Variants in ARHGAP20 observed in about 807,000 individuals in gnomAD.
The protein encoded by ARHGAP20 is Rho GTPase activating protein 20.
Under a neutral mutation model 73.7 loss-of-function variants are expected in ARHGAP20, and 34 were observed. The ratio of observed to expected loss-of-function variants is 0.46; its 90% CI spans 0.35 to 0.61. ARHGAP20 has a LOEUF of 0.61. ARHGAP20 is among the 20% of genes least tolerant of loss of function. The pLI is 0.00. For missense variants in ARHGAP20, 1,314 were observed against 1,420.9 expected (o/e 0.92, Z 1.21); for synonymous variants, 523 against 518.2 (o/e 1.01, Z -0.13).
chr11:110,590,228 C>G (rs1424552470), intron 11 of ARHGAP20, among the ~76,000 whole-genome samples: 1 of 151,670 alleles, frequency 6.6e-6, no homozygotes, highest in Non-Finnish European at 1.5e-5. Context: ...TTTATTATGG[C>G]AAACTTCTTT....
Position 110,692,052 on chromosome 11 carries a change from C to T in ARHGAP20, c.106-1423G>A, listed in dbSNP as rs969589872. ...GTTATCATCGGATTCCCAGAAAAGT[C>T]GAATCCTTTCCAACACTGGTGATTT... On this transcript the variant is annotated intron_variant, in intron 1 of 14. Transcript: ENST00000683387. 5.9e-5 allele frequency among the ~76,000 whole-genome samples: 9 copies of T among 152,096 alleles called. No individual in the cohort carries two copies. In the South Asian group the frequency reaches 8.3e-4, roughly 14 times the overall value.
intron 11 of ARHGAP20, among the ~76,000 whole-genome samples, chr11:110,587,451 A>G (rs1947700384): frequency 6.6e-6 from 1 of 152,258 alleles, no homozygotes; most frequent in African/African-American, 2.4e-5. Flanking sequence ...TGAAGGCAAC[A>G]CACAACTTGC....
At chr11:110,640,413 C>T (rs990841065) in intron 2 of ARHGAP20, among the ~76,000 whole-genome samples, 4 of 151,912 alleles carry the variant, frequency 2.6e-5, no homozygotes, top group African/African-American at 9.7e-5. Context: ...TGTAACTCTG[C>T]AGAGTGTTAG....
chr11:110,651,583 G>T (rs946745925), intron 2 of ARHGAP20, among the ~76,000 whole-genome samples: 1 of 151,836 alleles, frequency 6.6e-6, no homozygotes, highest in African/African-American at 2.4e-5. Flanking sequence ...AACTATCAAA[G>T]AATATGATAA....
At chr11:110,607,428 A>G (rs1046713029) in intron 8 of ARHGAP20, among the ~76,000 whole-genome samples, 1 of 152,176 alleles carries the variant, frequency 6.6e-6, no homozygotes, top group Non-Finnish European at 1.5e-5. Context: ...TAAAAACTAA[A>G]CCCTGGACAT....
At chr11:110,698,742 C>A (rs1409834953) in intron 1 of ARHGAP20, among the ~76,000 whole-genome samples, 1 of 151,770 alleles carries the variant, frequency 6.6e-6, no homozygotes, top group East Asian at 1.9e-4. Context: ...TCTTTTGTAT[C>A]TCTATGTTAT....
At chr11:110,600,885 G>A (rs888002590) in intron 9 of ARHGAP20, among the ~76,000 whole-genome samples, 1 of 152,126 alleles carries the variant, frequency 6.6e-6, no homozygotes, top group African/African-American at 2.4e-5. Context: ...TTGCTGTTAT[G>A]TTTTCAGTGT....
chr11:110,694,562 C>G (rs1950301642), intron 1 of ARHGAP20, among the ~76,000 whole-genome samples: 1 of 151,752 alleles, frequency 6.6e-6, no homozygotes, highest in Non-Finnish European at 1.5e-5. Flanking sequence ...ACACTACCAA[C>G]TAATCTGCAA....
In ARHGAP20 at chr11:110,611,341, TA is replaced by T; in HGVS notation, c.675del (p.Ile226SerfsTer8). 6.4e-7 allele frequency: 1 copy of T among 1,572,248 alleles called. No individual in the cohort carries two copies. The highest frequency in any genetic ancestry group is 8.6e-7 in the Non-Finnish European group (1 of 1,156,136). ...TVMNSDTANE[V>X]INMSLPMLGI... The stretch of plus-strand genomic sequence containing the variant: ...CCTAGCATTGGTAATGACATGTTGA[TA>T]ACTTCATTCGCTGTATCTGAATTCA... On this transcript the variant is annotated frameshift_variant, in exon 7 of 15. Transcript: ENST00000683387. LOFTEE classifies it high-confidence loss of function.
chr11:110,663,323 T>C (rs1210958206), intron 2 of ARHGAP20, among the ~76,000 whole-genome samples: 3 of 149,798 alleles, frequency 2.0e-5, no homozygotes, highest in Non-Finnish European at 4.4e-5. Flanking sequence ...AATACACTAA[T>C]ATTACACTAT....
chr11:110,691,088 GCA>G, intron 1 of ARHGAP20: 1 of 1,090,680 alleles, frequency 9.2e-7, no homozygotes, highest in South Asian at 1.9e-5. Flanking sequence ...TAAAGCAAAA[GCA>G]CAGAGACTAG....
rs1442284491 is a variant in ARHGAP20 at position 110,580,315 on chromosome 11, G to C, written c.2631C>G (p.Leu877=). The part of the protein sequence containing the change: ...KQHKTSCEAG[L]LHGEEDYLKR... ...TGAGATAATCCTCCTCTCCATGCAA[G>C]AGACCAGCTTCACAGCTGGTTTTAT... The change falls in exon 15 of 15, where the codon CTC becomes CTG. Residue 877 remains leucine, a synonymous_variant. Coordinates refer to ENST00000683387, the MANE Select transcript of ARHGAP20 (RefSeq NM_001384657.1). 5.0e-6 allele frequency: 8 copies of C among 1,614,238 alleles called. 1 individual carries two copies. The South Asian group carries it at 8.8e-5, about 18-fold the overall frequency.
chr11:110,672,816 T>C (rs1233579850), intron 2 of ARHGAP20, among the ~76,000 whole-genome samples: 1 of 152,222 alleles, frequency 6.6e-6, no homozygotes, highest in Non-Finnish European at 1.5e-5. Flanking sequence ...TAGAAAATAG[T>C]TCTGGTGATT....
chr11:110,616,091 A>G (rs970617571), intron 4 of ARHGAP20, among the ~76,000 whole-genome samples: 4 of 152,166 alleles, frequency 2.6e-5, no homozygotes, highest in African/African-American at 9.7e-5. Flanking sequence ...GATTAAGAGA[A>G]ATTTGGCATG....
chr11:110,664,874 A>G (rs1242008625), intron 2 of ARHGAP20, among the ~76,000 whole-genome samples: 2 of 152,168 alleles, frequency 1.3e-5, no homozygotes, highest in African/African-American at 2.4e-5. Flanking sequence ...ATTAAAGAAG[A>G]CCTAAATAAT....
chr11:110,657,688 A>G (rs1949496399), intron 2 of ARHGAP20, among the ~76,000 whole-genome samples: 1 of 152,098 alleles, frequency 6.6e-6, no homozygotes, highest in Admixed American at 6.6e-5. Context: ...TTAGGCCAGG[A>G]GTTCGAGACC....
At chr11:110,661,787 G>A (rs1324592096) in intron 2 of ARHGAP20, among the ~76,000 whole-genome samples, 4 of 152,094 alleles carry the variant, frequency 2.6e-5, no homozygotes, top group South Asian at 2.1e-4. Flanking sequence ...ATTCTTCTAC[G>A]TCACTAGCAA....
chr11:110,644,915 A>G (rs1949154164), intron 2 of ARHGAP20, among the ~76,000 whole-genome samples: 1 of 152,168 alleles, frequency 6.6e-6, no homozygotes, highest in South Asian at 2.1e-4. Context: ...ACTATCCAGA[A>G]TCTATAAGAA....
At chr11:110,632,172 G>A (rs1375435593) in intron 2 of ARHGAP20, among the ~76,000 whole-genome samples, 1 of 151,966 alleles carries the variant, frequency 6.6e-6, no homozygotes, top group Non-Finnish European at 1.5e-5. Flanking sequence ...TTGTATCTAT[G>A]TTTTCATTTC....
Sources: allele counts gnomAD v4.1 joint callset (sites outside exome capture counted in the v4.1 genomes callset), GRCh38; gene constraint gnomAD v4.1.1; transcripts MANE v1.5; gene names NCBI Gene and HGNC (gene_info 2026-07-23, HGNC 2026-07-21).